Variants in WWC2 observed in about 807,000 individuals in gnomAD.
The protein encoded by WWC2 is WW and C2 domain containing 2, also known as protein WWC2.
Under a neutral mutation model 138.5 loss-of-function variants are expected in WWC2, and 101 were observed. That is an observed-to-expected ratio of 0.73 (90% CI 0.62 to 0.86). The LOEUF is 0.86. Among genes scored for constraint, WWC2 ranks in the 40% least tolerant of loss-of-function variants. The pLI, the probability that WWC2 is intolerant of heterozygous loss-of-function variation, is 0.00. For missense variants in WWC2, 1,420 were observed against 1,419.4 expected (o/e 1.00, Z -0.01); for synonymous variants, 558 against 538.4 (o/e 1.04, Z -0.50).
At chr4:183,118,088 G>C (rs576448687) in intron 1 of WWC2, among the ~76,000 whole-genome samples, 4 of 152,204 alleles carry the variant, frequency 2.6e-5, no homozygotes, top group Non-Finnish European at 5.9e-5. Flanking sequence ...GTGAGCCACT[G>C]CGCCTGGCCG....
At chr4:183,294,293 A>G (rs1326822470) in intron 21 of WWC2, among the ~76,000 whole-genome samples, 1 of 152,172 alleles carries the variant, frequency 6.6e-6, no homozygotes, top group Non-Finnish European at 1.5e-5. Flanking sequence ...ATGGTTCTTC[A>G]TGGATACTGA....
intron 4 of WWC2, among the ~76,000 whole-genome samples, chr4:183,219,479 A>C (rs1735859602): frequency 6.6e-6 from 1 of 152,214 alleles, no homozygotes; most frequent in Non-Finnish European, 1.5e-5. Context: ...AATAATGAAA[A>C]ATGTTAGAGA....
chr4:183,110,821 C>T (rs1236130217), intron 1 of WWC2, among the ~76,000 whole-genome samples: 1 of 152,114 alleles, frequency 6.6e-6, no homozygotes, highest in Non-Finnish European at 1.5e-5. Context: ...GAACTTTGCT[C>T]CTGCTGCATG....
intron 16 of WWC2, among the ~76,000 whole-genome samples, chr4:183,272,331 AT>A (rs1737717912): frequency 5.3e-5 from 8 of 152,226 alleles, no homozygotes; most frequent in Admixed American, 5.2e-4. Flanking sequence ...CACATACAAA[AT>A]GGCAAAATAT....
chr4:183,216,283 TAATG>T (rs1381753205), intron 4 of WWC2, among the ~76,000 whole-genome samples: 1 of 152,202 alleles, frequency 6.6e-6, no homozygotes, highest in East Asian at 1.9e-4. Context: ...AGCTTCTACT[TAATG>T]AAGGCATCAG....
At chr4:183,311,506 T>TTCC (rs1270412755) in intron 21 of WWC2, among the ~76,000 whole-genome samples, 2 of 151,920 alleles carry the variant, frequency 1.3e-5, no homozygotes, top group African/African-American at 4.8e-5. Context: ...TGTTCTCCCC[T>TTCC]TCCTCCGGTG....
At chr4:183,247,604 GCTATATATACTATATATA>G (rs1205441648) in intron 6 of WWC2, among the ~76,000 whole-genome samples, 1 of 106,774 alleles carries the variant, frequency 9.4e-6, no homozygotes, top group African/African-American at 4.1e-5. Context: ...TGCTATATAT[GCTATATATACTATATATA>G]CTATATACTA....
At chr4:183,099,661 C>A in intron 1 of WWC2, 39 bp downstream of exon 1, 1 of 1,239,980 alleles carries the variant, frequency 8.1e-7, no homozygotes, top group Non-Finnish European at 1.0e-6. Flanking sequence ...CGTTCGGACA[C>A]GGCGGCTGTT....
chr4:183,124,257 T>C (rs1244575029), intron 1 of WWC2, among the ~76,000 whole-genome samples: 1 of 152,188 alleles, frequency 6.6e-6, no homozygotes, highest in East Asian at 1.9e-4. Context: ...CTTCAGTGTT[T>C]TCAAATTTAT....
intron 1 of WWC2, among the ~76,000 whole-genome samples, chr4:183,099,823 T>C (rs886347589): frequency 6.8e-6 from 1 of 147,506 alleles, no homozygotes; most frequent in African/African-American, 2.5e-5. Context: ...CCGACGCCCC[T>C]CCGGGGACCC....
At chr4:183,268,944 A>C in intron 14 of WWC2, 27 bp from the exon 15 acceptor site, 1 of 1,586,042 alleles carries the variant, frequency 6.3e-7, no homozygotes, top group Non-Finnish European at 8.6e-7. Flanking sequence ...GTACCTATGA[A>C]ATCCATTTTA....
intron 1 of WWC2, among the ~76,000 whole-genome samples, chr4:183,178,377 CAAATAAATAAATAAAT>C (rs10690640): frequency 6.3e-4 from 85 of 134,602 alleles, no homozygotes; most frequent in Non-Finnish European, 1.1e-3. Context: ...CCTGTTTCTA[CAAATAAATAAATAAAT>C]AAATAAATAA....
intron 1 of WWC2, among the ~76,000 whole-genome samples, chr4:183,103,786 A>G (rs899369622): frequency 1.5e-5 from 2 of 134,944 alleles, no homozygotes; most frequent in Non-Finnish European, 3.2e-5. Flanking sequence ...TACAGGCACC[A>G]CCATACCCAG....
At chr4:183,278,147 T>C (rs1223165499) in intron 16 of WWC2, among the ~76,000 whole-genome samples, 1 of 152,152 alleles carries the variant, frequency 6.6e-6, no homozygotes, top group Non-Finnish European at 1.5e-5. Flanking sequence ...ATTGAATTGA[T>C]TTTTGTATAA....
chr4:183,101,980 A>G (rs961123260), intron 1 of WWC2, among the ~76,000 whole-genome samples: 2 of 152,228 alleles, frequency 1.3e-5, no homozygotes, highest in Admixed American at 6.5e-5. Context: ...TATACAGATA[A>G]TTATGCCGAT....
chr4:183,135,875 A>G (rs1733096238), intron 1 of WWC2, among the ~76,000 whole-genome samples: 1 of 152,220 alleles, frequency 6.6e-6, no homozygotes, highest in Admixed American at 6.5e-5. Flanking sequence ...TGTTGATACA[A>G]TTCCACTGTC....
chr4:183,154,114 T>G (rs2111123968), intron 1 of WWC2, among the ~76,000 whole-genome samples: 1 of 152,284 alleles, frequency 6.6e-6, no homozygotes, highest in South Asian at 2.1e-4. Flanking sequence ...TCTGGGTTAA[T>G]TTTTAGAAAG....
At chr4:183,287,919 A>G (rs1302491832) in intron 20 of WWC2, among the ~76,000 whole-genome samples, 1 of 152,186 alleles carries the variant, frequency 6.6e-6, no homozygotes, top group East Asian at 1.9e-4. Flanking sequence ...AAACTGGCCA[A>G]CCCTACAAGT....
chr4:183,179,379 A>G (rs748739997), intron 1 of WWC2, among the ~76,000 whole-genome samples: 66 of 152,192 alleles, frequency 4.3e-4, no homozygotes, highest in Admixed American at 1.8e-3. Context: ...TTTAATAACT[A>G]TTTTCAAAAG....
Sources: gnomAD v4.1 joint callset for allele counts (sites outside exome capture counted in the v4.1 genomes callset) on GRCh38, gnomAD v4.1.1 for gene constraint, MANE v1.5 for transcripts, NCBI Gene and HGNC (gene_info 2026-07-23, HGNC 2026-07-21) for gene names.